SLC41A2: variants seen among roughly 807,000 people sequenced by gnomAD.
The protein encoded by SLC41A2 is SLC41A1-like 1.
In SLC41A2, 32 loss-of-function variants were observed where a neutral mutation model predicts 58.3. The ratio of observed to expected loss-of-function variants is 0.55; its 90% confidence interval spans 0.41 to 0.74. The LOEUF is 0.74. SLC41A2 is among the 30% of genes least tolerant of loss of function. The probability of loss-of-function intolerance (pLI) is 0.00; values close to 1 mark genes in which losing one functional copy is unlikely to be tolerated. For missense variants in SLC41A2, 514 were observed against 680.6 expected (o/e 0.76, Z 2.72); for synonymous variants, 190 against 235.0 (o/e 0.81, Z 1.75).
intron 10 of SLC41A2, among the ~76,000 whole-genome samples, chr12:104,807,320 G>A (rs1302605290): frequency 6.7e-6 from 1 of 150,142 alleles, no homozygotes; most frequent in Admixed American, 6.7e-5. Context: ...TATTAAATAG[G>A]GAATCCTTTC....
Position 104,844,577 on chromosome 12 carries a change from A to T in SLC41A2, c.1431T>A (p.Ile477=), listed in dbSNP as rs1414739519. ...TGTAGAGGAAAATTAAATGTCCAGG[A>T]ATCACTAAAAGCAGTAGAACTTGAG... is the stretch of plus-strand genomic sequence containing the variant. ...KSAQVLLLLV[I]PGHLIFLYTI... The change falls in exon 10 of 11, where the codon ATT becomes ATA. Residue 477 remains isoleucine (I), a synonymous_variant. Coordinates refer to ENST00000258538, the MANE Select transcript of SLC41A2 (RefSeq NM_001352171.3). The T allele has an allele frequency of 1.9e-6, 3 of 1,570,266 alleles. No individual in the cohort carries two copies. In the African/African-American group the frequency reaches 4.1e-5, roughly 21 times the overall value.
intron 10 of SLC41A2, among the ~76,000 whole-genome samples, chr12:104,818,498 A>G (rs2136229912): frequency 6.6e-6 from 1 of 152,348 alleles, no homozygotes; most frequent in East Asian, 1.9e-4. Flanking sequence ...ATATGAAAAT[A>G]GATGCCATAA....
chr12:104,805,902 ATATTT>A (rs2136181134), intron 10 of SLC41A2, among the ~76,000 whole-genome samples: 1 of 152,326 alleles, frequency 6.6e-6, no homozygotes, highest in South Asian at 2.1e-4. Context: ...TAAAATGGAA[ATATTT>A]TAAAAGATTA....
chr12:104,880,201 T>C (rs559436284), intron 6 of SLC41A2, among the ~76,000 whole-genome samples: 1 of 152,310 alleles, frequency 6.6e-6, no homozygotes, highest in South Asian at 2.1e-4. Context: ...CTTATCAGCT[T>C]AAGGAGATTT....
At chr12:104,945,606 T>C (rs1364384781) in intron 1 of SLC41A2, among the ~76,000 whole-genome samples, 1 of 152,260 alleles carries the variant, frequency 6.6e-6, no homozygotes. Context: ...AAATTTACTA[T>C]ATTTTTTCCA....
intron 7 of SLC41A2, 116 bp from the exon 8 acceptor site, chr12:104,861,486 T>A: frequency 1.8e-6 from 1 of 561,592 alleles, no homozygotes; most frequent in Non-Finnish European, 3.0e-6. Flanking sequence ...ATTTTAAAAA[T>A]AGAGCAAAAA....
intron 1 of SLC41A2, among the ~76,000 whole-genome samples, chr12:104,938,902 A>T (rs1185407695): frequency 6.6e-6 from 1 of 152,222 alleles, no homozygotes; most frequent in Non-Finnish European, 1.5e-5. Context: ...AGGAGTTTTA[A>T]AACACTGGCT....
chr12:104,846,048 C>T (rs759596329), intron 8 of SLC41A2, 74 bp from the exon 9 acceptor site: 16 of 1,471,324 alleles, frequency 1.1e-5, no homozygotes, highest in African/African-American at 1.4e-5. Context: ...CAAAAGCAAG[C>T]CTCTTCGTGT....
intron 1 of SLC41A2, among the ~76,000 whole-genome samples, chr12:104,936,432 G>A (rs2047274291): frequency 1.3e-5 from 2 of 152,132 alleles, no homozygotes; most frequent in Admixed American, 6.5e-5. Flanking sequence ...TCATGTTACT[G>A]ATAAAGACAT....
chr12:104,911,823 G>A (rs950991667), intron 2 of SLC41A2, among the ~76,000 whole-genome samples: 3 of 152,118 alleles, frequency 2.0e-5, no homozygotes, highest in African/African-American at 7.2e-5. Flanking sequence ...CACTGGGTGG[G>A]GGGGGTTCAA....
chr12:104,951,432 T>A (rs1400310154), intron 1 of SLC41A2: 2 of 152,142 alleles, frequency 1.3e-5, no homozygotes, highest in Non-Finnish European at 2.9e-5. Context: ...ACGAGCAAAA[T>A]TTTTCACAAA....
rs559828114 is a variant in SLC41A2, at chr12:104,895,371, T to C, written c.664-26A>G. ...CTGTTAAAGTGGATATTTTCATGTA[T>C]CACTGAAGAAAATCTACATGTTCTC... On this transcript the variant is annotated intron_variant, in intron 3 of 10. Transcript: ENST00000258538. 20 of 1,534,306 alleles carry C rather than the reference T, an allele frequency of 1.3e-5. No homozygotes were observed. The South Asian group carries it at 2.2e-4, about 17-fold the overall frequency.
intron 10 of SLC41A2, among the ~76,000 whole-genome samples, chr12:104,805,707 A>C (rs1000163075): frequency 2.0e-5 from 3 of 152,112 alleles, no homozygotes; most frequent in Admixed American, 2.0e-4. Context: ...TTAAATAAGG[A>C]ATTATTTAAC....
chr12:104,852,970 C>T (rs917569958), intron 8 of SLC41A2, among the ~76,000 whole-genome samples: 1 of 152,062 alleles, frequency 6.6e-6, no homozygotes, highest in African/African-American at 2.4e-5. Context: ...CAGTGGAGAG[C>T]ATCTAAAGAT....
chr12:104,824,313 G>A (rs900137957), intron 10 of SLC41A2, among the ~76,000 whole-genome samples: 1 of 151,816 alleles, frequency 6.6e-6, no homozygotes, highest in Non-Finnish European at 1.5e-5. Context: ...CATCAGTGGA[G>A]GAACATATGG....
chr12:104,840,127 CA>C (rs935801895), intron 10 of SLC41A2, among the ~76,000 whole-genome samples: 70 of 152,280 alleles, frequency 4.6e-4, no homozygotes, highest in African/African-American at 1.6e-3. Flanking sequence ...CTGAAGATGA[CA>C]GTAAGATTCC....
At chr12:104,810,863 TCA>T (rs2041143625) in intron 10 of SLC41A2, among the ~76,000 whole-genome samples, 2 of 152,152 alleles carry the variant, frequency 1.3e-5, no homozygotes, top group African/African-American at 2.4e-5. Flanking sequence ...AGGCTCAAAT[TCA>T]CAGAGTCCAA....
At chr12:104,957,710 C>A (rs886372328) in intron 1 of SLC41A2, among the ~76,000 whole-genome samples, 1 of 152,234 alleles carries the variant, frequency 6.6e-6, no homozygotes, top group African/African-American at 2.4e-5. Context: ...ACTCGCGGAG[C>A]CCTGAACAGG....
At chr12:104,872,723 ACT>A (rs1459948601) in intron 6 of SLC41A2, among the ~76,000 whole-genome samples, 1 of 152,014 alleles carries the variant, frequency 6.6e-6, no homozygotes, top group Admixed American at 6.6e-5. Flanking sequence ...GTCGAGCAAG[ACT>A]CTGTCTCCAA....
Sources: gnomAD v4.1 joint callset for allele counts (sites outside exome capture counted in the v4.1 genomes callset) on GRCh38, gnomAD v4.1.1 for gene constraint, MANE v1.5 for transcripts, NCBI Gene and HGNC (gene_info 2026-07-23, HGNC 2026-07-21) for gene names.